The following STIMATE variants were observed in gnomAD, a reference collection of about 807,000 sequenced individuals.
STIMATE encodes store-operated calcium entry regulator STIMATE.
In STIMATE, 15 loss-of-function variants were observed where a neutral mutation model predicts 36.7. That is an observed-to-expected ratio of 0.41 (90% confidence interval 0.27 to 0.63). The LOEUF is 0.63. Among genes scored for constraint, STIMATE ranks in the 20% least tolerant of loss-of-function variants. The pLI is 0.32. For synonymous variants in STIMATE, 163 were observed against 162.3 expected, an observed-to-expected ratio of 1.00 and a Z score of -0.03; for missense variants, 305 against 397.3, an observed-to-expected ratio of 0.77 and a Z score of 1.98.
chr3:52,856,433 C>A (rs553343040), intron 1 of STIMATE, among the ~76,000 whole-genome samples: 2 of 152,288 alleles, frequency 1.3e-5, no homozygotes, highest in South Asian at 4.1e-4. Context: ...GTAATCCCAG[C>A]ACTTTGCAAA....
At chr3:52,854,239 G>A (rs996052291) in intron 2 of STIMATE, among the ~76,000 whole-genome samples, 7 of 152,068 alleles carry the variant, frequency 4.6e-5, no homozygotes, top group Admixed American at 1.3e-4. Context: ...GGAATTTCCC[G>A]GAAGACAGGA....
At chr3:52,863,862 C>G (rs1367525450) in intron 1 of STIMATE, among the ~76,000 whole-genome samples, 2 of 152,260 alleles carry the variant, frequency 1.3e-5, no homozygotes. Context: ...CCAAAATGAT[C>G]TCCTTTGATT....
At position 52,836,866 on chromosome 3, in the gene STIMATE, A is replaced by G. The variant is rs1331492431; in HGVS notation, c.*3628T>C. ...CTACCACCACCGATTAAGCACCCCC[A>G]CTGGATGGCTGCTGAAGTGGGCCAT... is the stretch of plus-strand genomic sequence containing the variant. On this transcript the variant is annotated 3_prime_UTR_variant, in exon 8 of 8. Coordinates refer to ENST00000355083, the MANE Select transcript of STIMATE (RefSeq NM_198563.5). 2 of 249,264 alleles carry G rather than the reference A, an allele frequency of 8.0e-6. No homozygotes were observed. Among genetic ancestry groups the G allele is most frequent in the East Asian group, 9.9e-5 (1 of 10,056 alleles). 15.4% of individuals were successfully genotyped at this position (249,264 alleles called of 1,614,324 possible). A position where few individuals can be genotyped will look rare whatever the true frequency, so the allele number is the denominator to read the frequency against.
chr3:52,864,692 A>C (rs1371632927), intron 1 of STIMATE, among the ~76,000 whole-genome samples: 1 of 152,158 alleles, frequency 6.6e-6, no homozygotes, highest in Non-Finnish European at 1.5e-5. Flanking sequence ...AACAGCACCC[A>C]AGTCACCTCT....
At chr3:52,854,829 A>G (rs182673602) in intron 2 of STIMATE, among the ~76,000 whole-genome samples, 24 of 152,364 alleles carry the variant, frequency 1.6e-4, no homozygotes, top group Admixed American at 1.4e-3. Flanking sequence ...GTTAAGTGTC[A>G]GAAGTGAATT....
chr3:52,846,644 A>G (rs186451406), intron 4 of STIMATE: 1 of 152,336 alleles, frequency 6.6e-6, no homozygotes, highest in Admixed American at 6.5e-5. Flanking sequence ...CTGCTACACA[A>G]CTTAGCTACA....
At position 52,897,325 on chromosome 3, in the gene STIMATE, C is replaced by T; in HGVS notation, c.126G>A (p.Gly42=). The change falls in exon 1 of 8, where the codon GGG becomes GGA. Residue 42 remains glycine, a synonymous_variant. Transcript: ENST00000355083. ...TGCTGAAGGCCACGACGCCGAGCAG[C>T]CCCTGCAGGAAGATGCCGAAGCTGT... ...LMHSFGIFLQ[G]LLGVVAFSTL... 1 of 1,552,676 alleles carries T rather than the reference C, an allele frequency of 6.4e-7. No homozygotes were observed. The highest frequency in any genetic ancestry group is 8.6e-7 in the Non-Finnish European group (1 of 1,156,976).
chr3:52,839,875 A>C lies in STIMATE; in HGVS notation c.*619T>G, dbSNP rs1700765957. ...ATATAACTTAAAAATATAAAAGTCA[A>C]ACAGCATACGGAAGACTTAAAAATC... is the stretch of plus-strand genomic sequence containing the variant. On this transcript the variant is annotated 3_prime_UTR_variant, in exon 8 of 8. Transcript: ENST00000355083. 6.6e-6 allele frequency: 1 copy of C among 152,658 alleles called. No individual in the cohort carries two copies. 9.5% of individuals were successfully genotyped at this position (152,658 alleles called of 1,614,324 possible).
chr3:52,881,731 G>A (rs1047209685), intron 1 of STIMATE, among the ~76,000 whole-genome samples: 2 of 152,126 alleles, frequency 1.3e-5, no homozygotes, highest in Non-Finnish European at 2.9e-5. Flanking sequence ...GAACTCAGGA[G>A]GAATAGCAAT....
At position 52,890,855 on chromosome 3, in the gene STIMATE, G is replaced by A. The variant is rs189598787; in HGVS notation, c.160+6436C>T. Among the ~76,000 whole-genome samples the A allele has an allele frequency of 6.7e-3, 1,022 of 152,276 alleles. 98 individuals are homozygous for A. The South Asian group carries it at 0.19, about 28-fold the overall frequency. ...CCAGCGAGTAAAGGGACTCCGTGCT[G>A]CCTGCTTCTGCTGCTCTGGGGTAGG... On this transcript the variant is annotated intron_variant, in intron 1 of 7. Coordinates refer to ENST00000355083, the MANE Select transcript of STIMATE (RefSeq NM_198563.5).
intron 1 of STIMATE, among the ~76,000 whole-genome samples, chr3:52,895,649 A>G (rs1175645172): frequency 6.6e-6 from 1 of 152,228 alleles, no homozygotes; most frequent in Non-Finnish European, 1.5e-5. Context: ...CTCAGCTGTG[A>G]GCAACTCTGC....
intron 4 of STIMATE, 131 bp from the exon 5 acceptor site, chr3:52,845,072 C>A (rs540904757): frequency 1.0e-4 from 76 of 739,094 alleles, no homozygotes; most frequent in Middle Eastern, 4.0e-4. Flanking sequence ...ATGAGCCCCC[C>A]CAAAAGTCCA....
At chr3:52,855,738 G>A (rs902002511) in intron 1 of STIMATE, among the ~76,000 whole-genome samples, 1 of 152,222 alleles carries the variant, frequency 6.6e-6, no homozygotes, top group African/African-American at 2.4e-5. Context: ...ATAAGGATTG[G>A]TAATGACAAA....
In STIMATE at chr3:52,849,752, C is replaced by A. The variant is rs781057911; in HGVS notation, c.427+40G>T. On this transcript the variant is annotated intron_variant, in intron 4 of 7. Transcript: ENST00000355083. The stretch of plus-strand genomic sequence containing the variant: ...TGGGGCAAGGAGCAGAGACCTCCAG[C>A]AGTTCCCTCACGCCCTGTCCGGCAT... 2.5e-6 allele frequency: 4 copies of A among 1,589,748 alleles called. No individual in the cohort carries two copies. The African/African-American group carries it at 4.0e-5, about 16-fold the overall frequency.
At chr3:52,848,103 C>G (rs1276066697) in intron 4 of STIMATE, 1 of 152,672 alleles carries the variant, frequency 6.5e-6, no homozygotes, top group African/African-American at 2.4e-5. Flanking sequence ...CAATTTGTGC[C>G]ATGAAGTTTG....
At chr3:52,868,911 C>T (rs1489027773) in intron 1 of STIMATE, among the ~76,000 whole-genome samples, 1 of 152,192 alleles carries the variant, frequency 6.6e-6, no homozygotes, top group East Asian at 1.9e-4. Context: ...TGAGCCAATG[C>T]ACCTGGCCAC....
At chr3:52,852,526 A>G in intron 3 of STIMATE, 77 bp downstream of exon 3, 3 of 1,576,042 alleles carry the variant, frequency 1.9e-6, no homozygotes, top group East Asian at 2.2e-5. Context: ...GAGCAGGACC[A>G]GCAGCAGAAA....
chr3:52,852,113 G>A lies in STIMATE; in HGVS notation c.305+490C>T, dbSNP rs185475516. ...GCAAGGAGGACAGAATATCATGGCC[G>A]GATTGAGGTCACAGATGGATTGCTC... On this transcript the variant is annotated intron_variant, in intron 3 of 7. Transcript: ENST00000355083. Among the ~76,000 whole-genome samples, 1,121 of 152,310 alleles carry A rather than the reference G, an allele frequency of 7.4e-3. 119 individuals carry two copies. In the South Asian group the frequency reaches 0.21, roughly 28 times the overall value.
chr3:52,895,611 C>T (rs552385446), intron 1 of STIMATE, among the ~76,000 whole-genome samples: 4 of 152,342 alleles, frequency 2.6e-5, no homozygotes, highest in Non-Finnish European at 4.4e-5. Flanking sequence ...GAAGACTCCA[C>T]TCAGAACACA....
Sources: gnomAD v4.1 joint callset for allele counts (sites outside exome capture counted in the v4.1 genomes callset) on GRCh38, gnomAD v4.1.1 for gene constraint, MANE v1.5 for transcripts, NCBI Gene and HGNC (gene_info 2026-07-23, HGNC 2026-07-21) for gene names.